Variants in RET observed in about 807,000 individuals in gnomAD.
RET encodes ret proto-oncogene, also known as proto-oncogene tyrosine-protein kinase receptor Ret.
RET carries 19 observed loss-of-function variants against 118.3 expected under a neutral mutation model. The ratio of observed to expected loss-of-function variants is 0.16; its 90% confidence interval spans 0.11 to 0.24. RET has a LOEUF of 0.24. Among genes scored for constraint, RET ranks in the 10% least tolerant of loss-of-function variants. The probability of loss-of-function intolerance (pLI) is 1.00; values close to 1 mark genes in which losing one functional copy is unlikely to be tolerated. For synonymous variants in RET, 597 were observed against 644.1 expected (o/e 0.93, Z 1.11); for missense variants, 1,219 against 1,502.1 (o/e 0.81, Z 3.12).
At position 43,106,589 on chromosome 10, in the gene RET, C is replaced by G; in HGVS notation, c.1063+18C>G. On this transcript the variant is annotated intron_variant, in intron 5 of 19. Transcript: ENST00000355710. The surrounding 1 kb of genome is among the most constrained non-coding windows in gnomAD (Gnocchi z 5.1). Reference sequence around the variant, plus strand: ...TGACTATAGTAAGAGGGGCTGGTGGCACGGCCTGGCTAGGCCCCCAGGAAA... The same window carrying G: ...TGACTATAGTAAGAGGGGCTGGTGGGACGGCCTGGCTAGGCCCCCAGGAAA... 1 of 1,611,240 alleles carries G rather than the reference C, an allele frequency of 6.2e-7. No individual in the cohort carries two copies. The highest frequency in any genetic ancestry group is 8.5e-7 in the Non-Finnish European group (1 of 1,178,608).
chr10:43,107,839 G>A (rs1277609175), intron 5 of RET, among the ~76,000 whole-genome samples: 1 of 151,910 alleles, frequency 6.6e-6, no homozygotes, highest in African/African-American at 2.4e-5. Context: ...CAAAATGCAG[G>A]GTATCTTAAA....
intron 3 of RET, 63 bp from the exon 4 acceptor site, chr10:43,104,889 G>A: frequency 6.5e-7 from 1 of 1,534,124 alleles, no homozygotes; most frequent in South Asian, 1.2e-5. Context: ...CCCTTCCCGA[G>A]GAAAGCGGCT....
chr10:43,119,583 C>A lies in RET; in HGVS notation c.2445C>A (p.Phe815Leu), dbSNP rs751447014. The stretch of plus-strand genomic sequence containing the variant: ...CCAAATACGGCTCCCTGCGGGGCTT[C>A]CTCCGCGAGAGCCGCAAAGTGGGGC... Reference protein sequence around the residue: ...EYAKYGSLRGFLRESRKVGPG... With the variant: ...EYAKYGSLRGLLRESRKVGPG... The change falls in exon 14 of 20, where the codon TTC becomes TTA. Residue 815 changes from phenylalanine to leucine, a missense_variant. Phe to Leu is a conservative substitution (Grantham distance 22). This residue lies in a region of RET where 850 missense variants were observed against 969.6 expected (regional missense o/e 0.88). Transcript: ENST00000355710. The A allele has an allele frequency of 6.2e-7, 1 of 1,611,462 alleles. No individual in the cohort carries two copies. Among genetic ancestry groups the A allele is most frequent in the Non-Finnish European group, 8.5e-7 (1 of 1,179,716 alleles).
At chr10:43,097,000 T>TAAGTCTG (rs1472226144) in intron 1 of RET, among the ~76,000 whole-genome samples, 1 of 152,188 alleles carries the variant, frequency 6.6e-6, no homozygotes, top group African/African-American at 2.4e-5. Flanking sequence ...TAAGTGCATT[T>TAAGTCTG]AAGTCTGTTT....
Position 43,081,024 on chromosome 10 carries a change from C to T in RET, c.73+3693C>T, listed in dbSNP as rs559681563. Among the ~76,000 whole-genome samples the T allele has an allele frequency of 7.9e-5, 12 of 152,254 alleles. No homozygotes were observed. In the South Asian group the frequency reaches 2.5e-3, roughly 32 times the overall value. On this transcript the variant is annotated intron_variant, in intron 1 of 19. Coordinates refer to ENST00000355710, the MANE Select transcript of RET (RefSeq NM_020975.6). The stretch of plus-strand genomic sequence containing the variant: ...TGTGTTTCCTCATGCAGGACAGGGC[C>T]TTCCTCCTCATTTTTCCCATCCTCC...
At chr10:43,101,686 G>C (rs894109600) in intron 2 of RET, among the ~76,000 whole-genome samples, 1 of 152,246 alleles carries the variant, frequency 6.6e-6, no homozygotes, top group African/African-American at 2.4e-5. Context: ...GGTGGGGAGA[G>C]GCTTCATGCA....
rs375519926 is a variant in RET at position 43,126,759 on chromosome 10, G to C, written c.3187+37G>C. 6.4e-5 allele frequency: 103 copies of C among 1,609,548 alleles called. No individual in the cohort carries two copies. Among genetic ancestry groups the C allele is most frequent in the Non-Finnish European group, 8.3e-5 (98 of 1,177,764 alleles). On this transcript the variant is annotated intron_variant, in intron 19 of 19. Coordinates refer to ENST00000355710, the MANE Select transcript of RET (RefSeq NM_020975.6). Reference sequence around the variant, plus strand: ...CATGCATTTACTAGATTCTAGCACCGCTGTCCCCTTTGCACTATCCTTCCT... The same window carrying C: ...CATGCATTTACTAGATTCTAGCACCCCTGTCCCCTTTGCACTATCCTTCCT...
chr10:43,128,039 G>T, intron 19 of RET, 73 bp from the exon 20 acceptor site: 2 of 1,527,240 alleles, frequency 1.3e-6, no homozygotes, highest in Non-Finnish European at 1.8e-6. Flanking sequence ...AGGGAGTTTT[G>T]CCAAGGCCTT....
chr10:43,089,578 C>A (rs1837367158), intron 1 of RET, among the ~76,000 whole-genome samples: 1 of 152,204 alleles, frequency 6.6e-6, no homozygotes, highest in Non-Finnish European at 1.5e-5. Flanking sequence ...GTAGGACACA[C>A]CTCAGGACCC....
intron 16 of RET, among the ~76,000 whole-genome samples, chr10:43,123,129 G>A (rs900656269): frequency 2.0e-5 from 3 of 152,150 alleles, no homozygotes; most frequent in Non-Finnish European, 2.9e-5. Flanking sequence ...GGGCTCATGC[G>A]ATGCTGTTTT....
chr10:43,105,606 G>T (rs1016298607), intron 4 of RET, among the ~76,000 whole-genome samples: 1 of 152,176 alleles, frequency 6.6e-6, no homozygotes, highest in African/African-American at 2.4e-5. Flanking sequence ...CACCTCCGGC[G>T]CCGCCCGCCC....
intron 12 of RET, among the ~76,000 whole-genome samples, chr10:43,117,424 T>A (rs900614442): frequency 6.6e-6 from 1 of 152,240 alleles, no homozygotes; most frequent in Non-Finnish European, 1.5e-5. Flanking sequence ...TGGATTTCCA[T>A]TGCAGCCATG....
Position 43,103,567 on chromosome 10 carries a change from CCG to C in RET, c.625+940_625+941del, listed in dbSNP as rs556249677. ...GCTCAACCAGGTCACAGAGGCTGCACCGCTGGCAAGTGTGTCCTAAATTCACA... is the reference window on the plus strand; with the variant it reads ...GCTCAACCAGGTCACAGAGGCTGCACCTGGCAAGTGTGTCCTAAATTCACA... On this transcript the variant is annotated intron_variant, in intron 3 of 19. Transcript: ENST00000355710. Among the ~76,000 whole-genome samples, 20 of 152,236 alleles carry C rather than the reference CCG, an allele frequency of 1.3e-4. No individual in the cohort carries two copies. The East Asian group carries it at 3.7e-3, about 28-fold the overall frequency.
At chr10:43,109,844 T>C (rs762667144) in intron 6 of RET, among the ~76,000 whole-genome samples, 1 of 152,254 alleles carries the variant, frequency 6.6e-6, no homozygotes, top group Admixed American at 6.5e-5. Context: ...CTTCTACCCA[T>C]AGGCGCCAGT....
intron 10 of RET, among the ~76,000 whole-genome samples, chr10:43,113,920 G>A (rs1022739243): frequency 2.6e-5 from 4 of 152,186 alleles, no homozygotes; most frequent in Admixed American, 6.5e-5. Flanking sequence ...CAAACAACTT[G>A]TCAGCCTGAC....
At chr10:43,087,534 T>C (rs575841488) in intron 1 of RET, among the ~76,000 whole-genome samples, 3 of 152,210 alleles carry the variant, frequency 2.0e-5, no homozygotes, top group Non-Finnish European at 4.4e-5. Context: ...CCCAGTGAAC[T>C]AAGAATGGGA....
Position 43,077,255 on chromosome 10 carries a change from G to A in RET, c.-4G>A, listed in dbSNP as rs1456639441. The A allele has an allele frequency of 6.7e-7, 1 of 1,503,170 alleles. No individual in the cohort carries two copies. The highest frequency in any genetic ancestry group is 2.0e-4 in the Middle Eastern group (1 of 5,024). The allele number at this position is 1,503,170 out of a possible 1,614,324, so 93.1% of individuals were successfully genotyped here. On this transcript the variant is annotated 5_prime_UTR_variant, in exon 1 of 20. Transcript: ENST00000355710. ...TCCAGCCGTGGCCCCAGCGCGCACG[G>A]GCGATGGCGAAGGCGACGTCCGGTG...
chr10:43,097,016 C>T (rs890333199), intron 1 of RET, among the ~76,000 whole-genome samples: 61 of 152,216 alleles, frequency 4.0e-4, no homozygotes, highest in African/African-American at 9.9e-4. Flanking sequence ...TGTTTCTGCT[C>T]GCAATCATTG....
chr10:43,096,985 C>T (rs1302008593), intron 1 of RET, among the ~76,000 whole-genome samples: 4 of 152,200 alleles, frequency 2.6e-5, no homozygotes, highest in Admixed American at 6.5e-5. Flanking sequence ...ACCTGGGAGG[C>T]ATTTTAAGTG....
Sources: allele counts gnomAD v4.1 joint callset (sites outside exome capture counted in the v4.1 genomes callset), GRCh38; gene constraint gnomAD v4.1.1; regional missense constraint gnomAD v4.1.1; non-coding constraint Gnocchi (gnomAD v3.1); transcripts MANE v1.5; gene names NCBI Gene and HGNC (gene_info 2026-07-23, HGNC 2026-07-21).